ERP44: variants seen among roughly 807,000 people sequenced by gnomAD.
ERP44 encodes the protein endoplasmic reticulum resident protein 44.
A neutral mutation model predicts 53.4 loss-of-function variants in ERP44; 25 were observed. The observed-to-expected ratio is 0.47, with a 90% confidence interval of 0.34 to 0.65. The LOEUF is 0.65. ERP44 is among the 30% of genes least tolerant of loss of function. The pLI, the probability that ERP44 is intolerant of heterozygous loss-of-function variation, is 0.01. For synonymous variants in ERP44, 145 were observed against 161.2 expected, an observed-to-expected ratio of 0.90 and a Z score of 0.76; for missense variants, 338 against 493.2, an observed-to-expected ratio of 0.69 and a Z score of 2.98.
At chr9:100,098,319 A>G (rs1826676014) in intron 1 of ERP44, among the ~76,000 whole-genome samples, 2 of 152,202 alleles carry the variant, frequency 1.3e-5, no homozygotes, top group Non-Finnish European at 2.9e-5. Flanking sequence ...GCATCAAGCC[A>G]CAACAGAGGG....
At chr9:99,984,746 CT>C (rs1442982732) in intron 11 of ERP44, among the ~76,000 whole-genome samples, 1 of 152,186 alleles carries the variant, frequency 6.6e-6, no homozygotes, top group Admixed American at 6.5e-5. Context: ...CATCAGAACA[CT>C]TTTATACAAT....
intron 4 of ERP44, among the ~76,000 whole-genome samples, chr9:100,040,985 G>A (rs1235063518): frequency 1.3e-5 from 2 of 151,948 alleles, no homozygotes; most frequent in Non-Finnish European, 2.9e-5. Context: ...ATAAAACATC[G>A]ATGGAAGAAA....
rs186475126 is a variant in ERP44, at chr9:99,991,694, A to G, written c.1017-6625T>C. Among the ~76,000 whole-genome samples the G allele has an allele frequency of 9.8e-5, 15 of 152,308 alleles. No homozygotes were observed. The East Asian group carries it at 2.7e-3, about 27-fold the overall frequency. On this transcript the variant is annotated intron_variant, in intron 10 of 11. Transcript: ENST00000262455. ...CAGAAATGGAGGAGATAGAGACACA[A>G]AAACCCCTTCAAAAAAATCAATGAA...
At chr9:100,097,572 T>C (rs1467667835) in intron 1 of ERP44, among the ~76,000 whole-genome samples, 3 of 152,242 alleles carry the variant, frequency 2.0e-5, no homozygotes, top group African/African-American at 7.2e-5. Flanking sequence ...CACTGTTGTA[T>C]ACTTATAAGA....
intron 1 of ERP44, among the ~76,000 whole-genome samples, chr9:100,086,709 G>A (rs1291942316): frequency 6.6e-6 from 1 of 152,158 alleles, no homozygotes; most frequent in Non-Finnish European, 1.5e-5. Context: ...GAGGGAGCTA[G>A]GAATGAAGCA....
At chr9:100,083,725 GA>G (rs1826452083) in intron 1 of ERP44, among the ~76,000 whole-genome samples, 1 of 152,196 alleles carries the variant, frequency 6.6e-6, no homozygotes, top group African/African-American at 2.4e-5. Context: ...AATGCATCAA[GA>G]AAGTAACACT....
At chr9:99,998,675 G>T in intron 10 of ERP44, 1 of 757,048 alleles carries the variant, frequency 1.3e-6, no homozygotes, top group Non-Finnish European at 2.4e-6. Flanking sequence ...GCTGCTGTGT[G>T]ACCTTAATCC....
chr9:99,993,261 A>T (rs986796974), intron 10 of ERP44, among the ~76,000 whole-genome samples: 2 of 152,204 alleles, frequency 1.3e-5, no homozygotes, highest in African/African-American at 4.8e-5. Flanking sequence ...ACTTCAAACT[A>T]TACTACAAGG....
intron 3 of ERP44, among the ~76,000 whole-genome samples, chr9:100,053,420 G>A (rs999008043): frequency 1.3e-5 from 2 of 152,136 alleles, no homozygotes; most frequent in African/African-American, 4.8e-5. Flanking sequence ...CAGTCATGTG[G>A]TGTTTAACGA....
intron 10 of ERP44, among the ~76,000 whole-genome samples, chr9:99,992,502 T>C (rs558499830): frequency 2.4e-4 from 37 of 152,310 alleles, no homozygotes; most frequent in African/African-American, 8.2e-4. Context: ...AACTAGGTAT[T>C]GATGGAACGT....
intron 10 of ERP44, among the ~76,000 whole-genome samples, chr9:100,004,204 G>A (rs1452742167): frequency 6.6e-6 from 1 of 152,162 alleles, no homozygotes; most frequent in Non-Finnish European, 1.5e-5. Context: ...GGGGCTTTAG[G>A]GGCCAGTCTG....
At chr9:100,075,706 G>A (rs187246700) in intron 1 of ERP44, among the ~76,000 whole-genome samples, 71 of 152,294 alleles carry the variant, frequency 4.7e-4, no homozygotes, top group African/African-American at 1.6e-3. Flanking sequence ...TAAGGTAAAG[G>A]ATAAGTTGCT....
Position 99,980,132 on chromosome 9 carries a change from T to C in ERP44, c.*2480A>G, listed in dbSNP as rs150753794. ...TTTAAAGCTCAAAATAAAAATAATG[T>C]CCTCAAATCTCTGCAATTGAGTGCT... On this transcript the variant is annotated 3_prime_UTR_variant, in exon 12 of 12. Coordinates refer to ENST00000262455, the MANE Select transcript of ERP44 (RefSeq NM_015051.3). 19 of 398,414 alleles carry C rather than the reference T, an allele frequency of 4.8e-5. No individual in the cohort carries two copies. In the Middle Eastern group the frequency reaches 1.9e-3, roughly 40 times the overall value. The allele number at this position is 398,414 out of a possible 1,614,324, so 24.7% of individuals were successfully genotyped here. A position where few individuals can be genotyped will look rare whatever the true frequency, so the allele number is the denominator to read the frequency against.
chr9:100,070,854 C>A (rs902033313), intron 1 of ERP44, among the ~76,000 whole-genome samples: 2 of 152,052 alleles, frequency 1.3e-5, no homozygotes, highest in Non-Finnish European at 2.9e-5. Flanking sequence ...TTGGCCTCCC[C>A]CCAGAAGTAG....
chr9:100,022,806 T>C (rs906031682), intron 4 of ERP44, among the ~76,000 whole-genome samples: 1 of 152,160 alleles, frequency 6.6e-6, no homozygotes, highest in Non-Finnish European at 1.5e-5. Context: ...ACTAAAAATA[T>C]ATTAGAGGTT....
chr9:100,083,088 A>C (rs1826444752), intron 1 of ERP44, among the ~76,000 whole-genome samples: 1 of 152,064 alleles, frequency 6.6e-6, no homozygotes, highest in Non-Finnish European at 1.5e-5. Flanking sequence ...AAGAAAGAGA[A>C]AAGAAACTGA....
chr9:100,085,063 T>C (rs969432190), intron 1 of ERP44, among the ~76,000 whole-genome samples: 1 of 152,212 alleles, frequency 6.6e-6, no homozygotes, highest in Non-Finnish European at 1.5e-5. Context: ...ATTGGATACT[T>C]CTCAGAATTA....
At chr9:99,990,232 T>C (rs1043246273) in intron 10 of ERP44, among the ~76,000 whole-genome samples, 1 of 150,726 alleles carries the variant, frequency 6.6e-6, no homozygotes, top group Non-Finnish European at 1.5e-5. Flanking sequence ...TTCACCAAAG[T>C]TGAAGGAAAA....
intron 4 of ERP44, among the ~76,000 whole-genome samples, chr9:100,026,227 A>G (rs186991387): frequency 4.5e-4 from 69 of 152,320 alleles, no homozygotes; most frequent in African/African-American, 1.7e-3. Context: ...GGTCACAAAG[A>G]CGAAAAATCT....
Sources: gnomAD v4.1 joint callset for allele counts (sites outside exome capture counted in the v4.1 genomes callset) on GRCh38, gnomAD v4.1.1 for gene constraint, MANE v1.5 for transcripts, NCBI Gene and HGNC (gene_info 2026-07-23, HGNC 2026-07-21) for gene names.